The following CHSY3 variants were observed in gnomAD, a reference collection of about 807,000 sequenced individuals.
The protein encoded by CHSY3 is N-acetylgalactosaminyl-proteoglycan 3-beta-glucuronosyltransferase 3.
Under a neutral mutation model 67.2 loss-of-function variants are expected in CHSY3, and 35 were observed. That is an observed-to-expected ratio of 0.52 (90% CI 0.40 to 0.69). The LOEUF (loss-of-function observed/expected upper bound fraction) is 0.69, where lower values mean the gene tolerates loss of function less well. CHSY3 is among the 30% of genes least tolerant of loss of function. The probability of loss-of-function intolerance (pLI) is 0.00; values close to 1 mark genes in which losing one functional copy is unlikely to be tolerated. For missense variants in CHSY3, 1,069 were observed against 1,138.5 expected, an observed-to-expected ratio of 0.94 and a Z score of 0.88; for synonymous variants, 474 against 434.7, an observed-to-expected ratio of 1.09 and a Z score of -1.12.
rs1291979255 is a variant in CHSY3 at position 130,160,904 on chromosome 5, T to A, written c.1087-23325T>A. ...TTTTATTTATTTATTTATTTTTTTTTTTTTATTTTTTTTTTTTTGAGACGG... is the reference window on the plus strand; with the variant it reads ...TTTTATTTATTTATTTATTTTTTTTATTTTATTTTTTTTTTTTTGAGACGG... On this transcript the variant is annotated intron_variant, in intron 2 of 2. Coordinates refer to ENST00000305031, the MANE Select transcript of CHSY3 (RefSeq NM_175856.5). Among the ~76,000 whole-genome samples the A allele has an allele frequency of 2.3e-3, 323 of 141,116 alleles. 6 individuals carry two copies. The South Asian group carries it at 0.038, about 17-fold the overall frequency. 92.6% of individuals were successfully genotyped at this position (141,116 alleles called of 152,430 possible). A position where few individuals can be genotyped will look rare whatever the true frequency, so the allele number is the denominator to read the frequency against.
chr5:130,127,699 T>G (rs576312331), intron 2 of CHSY3, among the ~76,000 whole-genome samples: 1 of 152,190 alleles, frequency 6.6e-6, no homozygotes, highest in Non-Finnish European at 1.5e-5. Flanking sequence ...AATCAGAAAT[T>G]CCTGATGTTG....
At chr5:130,095,950 A>G (rs1405030819) in intron 2 of CHSY3, among the ~76,000 whole-genome samples, 3 of 152,234 alleles carry the variant, frequency 2.0e-5, no homozygotes, top group African/African-American at 4.8e-5. Context: ...CATGGTCTCA[A>G]TACAATTATG....
chr5:130,048,446 T>G (rs1366496518), intron 2 of CHSY3, among the ~76,000 whole-genome samples: 2 of 152,102 alleles, frequency 1.3e-5, no homozygotes, highest in Non-Finnish European at 2.9e-5. Flanking sequence ...TTGGAAAATA[T>G]TCACTCTTTT....
chr5:130,078,711 CA>C (rs2149685531), intron 2 of CHSY3, among the ~76,000 whole-genome samples: 1 of 152,196 alleles, frequency 6.6e-6, no homozygotes, highest in East Asian at 1.9e-4. Context: ...TACAAAGTGC[CA>C]AAATAAATTC....
At chr5:130,176,656 T>C (rs1580801835) in intron 2 of CHSY3, among the ~76,000 whole-genome samples, 1 of 152,178 alleles carries the variant, frequency 6.6e-6, no homozygotes, top group Admixed American at 6.5e-5. Flanking sequence ...TGGAATACTA[T>C]GCAGCCATAA....
intron 2 of CHSY3, among the ~76,000 whole-genome samples, chr5:129,952,871 G>GT (rs749760222): frequency 6.6e-6 from 1 of 152,164 alleles, no homozygotes; most frequent in Non-Finnish European, 1.5e-5. Context: ...ATCAAACACT[G>GT]TAAGGTGAAT....
At chr5:130,084,393 T>A (rs1199829771) in intron 2 of CHSY3, among the ~76,000 whole-genome samples, 1 of 151,946 alleles carries the variant, frequency 6.6e-6, no homozygotes, top group Non-Finnish European at 1.5e-5. Flanking sequence ...TTCCACAATG[T>A]AGACATGTGT....
intron 2 of CHSY3, among the ~76,000 whole-genome samples, chr5:130,046,692 A>G (rs1309417429): frequency 6.6e-6 from 1 of 152,152 alleles, no homozygotes; most frequent in Non-Finnish European, 1.5e-5. Flanking sequence ...GGGGCAGGGT[A>G]TAAGGGCTCT....
chr5:130,056,498 G>T (rs1231628556), intron 2 of CHSY3, among the ~76,000 whole-genome samples: 2 of 152,136 alleles, frequency 1.3e-5, no homozygotes, highest in African/African-American at 4.8e-5. Context: ...AATCAAAGAT[G>T]AATCTTCACT....
chr5:130,066,974 A>G (rs1005384944), intron 2 of CHSY3, among the ~76,000 whole-genome samples: 48 of 152,180 alleles, frequency 3.2e-4, no homozygotes, highest in African/African-American at 1.1e-3. Flanking sequence ...AATGTGTTTC[A>G]TAATAGTGCT....
intron 2 of CHSY3, among the ~76,000 whole-genome samples, chr5:129,913,388 A>G (rs1760632334): frequency 6.6e-6 from 1 of 152,228 alleles, no homozygotes; most frequent in African/African-American, 2.4e-5. Context: ...AAATACTTTA[A>G]TTTATGGAAG....
At chr5:129,967,876 A>G (rs776035480) in intron 2 of CHSY3, among the ~76,000 whole-genome samples, 1 of 151,828 alleles carries the variant, frequency 6.6e-6, no homozygotes. Flanking sequence ...CTAGATTTTT[A>G]CAATTTAATT....
rs764001366 is a variant in CHSY3, at chr5:130,185,082, T to C, written c.1940T>C (p.Ile647Thr). Residue 647 changes from isoleucine (I) to threonine (T), a missense_variant, in exon 3 of 3, where the codon ATC becomes ACC. Physicochemically the swap from Ile to Thr is moderately conservative, Grantham distance 89. Transcript: ENST00000305031. Reference sequence around the variant, plus strand: ...GAGAACTTTGAAAACATGTGTCTTATCCCAAAGCAGAATGTAAAGTTGGTC... The same window carrying C: ...GAGAACTTTGAAAACATGTGTCTTACCCCAAAGCAGAATGTAAAGTTGGTC... ...FMENFENMCLIPKQNVKLVII... is the reference protein window; with the variant it reads ...FMENFENMCLTPKQNVKLVII... The C allele has an allele frequency of 6.2e-7, 1 of 1,604,594 alleles. No homozygotes were observed. The highest frequency in any genetic ancestry group is 8.5e-7 in the Non-Finnish European group (1 of 1,171,390).
At chr5:130,162,551 A>G (rs1393546257) in intron 2 of CHSY3, among the ~76,000 whole-genome samples, 4 of 152,072 alleles carry the variant, frequency 2.6e-5, no homozygotes, top group African/African-American at 9.7e-5. Flanking sequence ...TGACTTATTT[A>G]AGAAACGGGG....
rs528190235 is a variant in CHSY3, at chr5:130,011,127, A to C, written c.1086+102767A>C. ...GGACCCTTCCTAACTCATGCTCTGAAGCCAGTATCACTATGATAGCAAAAC... is the reference window on the plus strand; with the variant it reads ...GGACCCTTCCTAACTCATGCTCTGACGCCAGTATCACTATGATAGCAAAAC... On this transcript the variant is annotated intron_variant, in intron 2 of 2. Coordinates refer to ENST00000305031, the MANE Select transcript of CHSY3 (RefSeq NM_175856.5). Among the ~76,000 whole-genome samples the C allele has an allele frequency of 2.0e-5, 3 of 152,168 alleles. No individual in the cohort carries two copies. The East Asian group carries it at 5.8e-4, about 29-fold the overall frequency.
chr5:130,100,044 T>C (rs906171690), intron 2 of CHSY3, among the ~76,000 whole-genome samples: 1 of 152,116 alleles, frequency 6.6e-6, no homozygotes, highest in Non-Finnish European at 1.5e-5. Context: ...AAATAGATAC[T>C]GTATTTTGGA....
At chr5:130,018,343 C>T (rs1764271021) in intron 2 of CHSY3, among the ~76,000 whole-genome samples, 1 of 152,134 alleles carries the variant, frequency 6.6e-6, no homozygotes, top group Non-Finnish European at 1.5e-5. Context: ...ATACACACCT[C>T]CTGATGTTAT....
At position 130,185,460 on chromosome 5, in the gene CHSY3, G is replaced by C. The variant is rs1176953587; in HGVS notation, c.2318G>C (p.Gly773Ala). ...TACTTCATATTCTCAAAAAAGACTG[G>C]ATTTTGGAGAGACTATGGATATGGC... ...DDYFIFSKKTGFWRDYGYGIT... is the reference protein window; with the variant it reads ...DDYFIFSKKTAFWRDYGYGIT... The change falls in exon 3 of 3, where the codon GGA becomes GCA. Residue 773 changes from glycine (G) to alanine (A), a missense_variant. Coordinates refer to ENST00000305031, the MANE Select transcript of CHSY3 (RefSeq NM_175856.5). 2 of 1,613,962 alleles carry C rather than the reference G, an allele frequency of 1.2e-6. No homozygotes were observed. The highest frequency in any genetic ancestry group is 1.7e-6 in the Non-Finnish European group (2 of 1,179,970).
intron 2 of CHSY3, among the ~76,000 whole-genome samples, chr5:129,944,494 T>C (rs4327624): frequency 1 from 152,151 of 152,154 alleles, 76,074 homozygotes; most frequent in Middle Eastern, 1. Flanking sequence ...ACCACCACAC[T>C]CAGCTAATTT....
Sources: gnomAD v4.1 joint callset for allele counts (sites outside exome capture counted in the v4.1 genomes callset) on GRCh38, gnomAD v4.1.1 for gene constraint, MANE v1.5 for transcripts, NCBI Gene and HGNC (gene_info 2026-07-23, HGNC 2026-07-21) for gene names.